Variants in MYBPC1 observed in about 807,000 individuals in gnomAD.
The protein encoded by MYBPC1 is myosin binding protein C1.
A neutral mutation model predicts 147.1 loss-of-function variants in MYBPC1; 52 were observed. The ratio of observed to expected loss-of-function variants is 0.35; its 90% CI spans 0.28 to 0.45. The LOEUF is 0.45. Among genes scored for constraint, MYBPC1 ranks in the 20% least tolerant of loss-of-function variants. The pLI is 1.00. For missense variants in MYBPC1, 1,228 were observed against 1,440.3 expected, an observed-to-expected ratio of 0.85 and a Z score of 2.39; for synonymous variants, 477 against 475.9, an observed-to-expected ratio of 1.00 and a Z score of -0.03.
At position 101,685,889 on chromosome 12, in the gene MYBPC1, G is replaced by A. The variant is rs1251186862; in HGVS notation, c.*327G>A. 1.1e-5 allele frequency: 5 copies of A among 463,748 alleles called. No homozygotes were observed. Among genetic ancestry groups the A allele is most frequent in the Non-Finnish European group, 1.1e-5 (3 of 261,892 alleles). The allele number at this position is 463,748 out of a possible 1,614,324, so 28.7% of individuals were successfully genotyped here. ...AATCTCATTTGAAGTCAGCACTTTG[G>A]TCATTATTATCTCTGCTCACTGTAT... is the stretch of plus-strand genomic sequence containing the variant. On this transcript the variant is annotated 3_prime_UTR_variant, in exon 32 of 32. Transcript: ENST00000361466.
chr12:101,669,716 C>T (rs1465889736), intron 23 of MYBPC1, among the ~76,000 whole-genome samples: 1 of 152,108 alleles, frequency 6.6e-6, no homozygotes, highest in Non-Finnish European at 1.5e-5. Context: ...GCAGGTGGAT[C>T]ACCTGAGGTC....
At chr12:101,609,299 A>AT (rs796184012) in intron 1 of MYBPC1, among the ~76,000 whole-genome samples, 4 of 151,654 alleles carry the variant, frequency 2.6e-5, no homozygotes, top group South Asian at 2.1e-4. Flanking sequence ...TTAAAAAAAA[A>AT]TTTTTTTCTG....
At chr12:101,695,101 C>A in the MYBPC1 span, among the ~76,000 whole-genome samples, 3 of 152,168 alleles carry the variant, frequency 2.0e-5, no homozygotes, top group African/African-American at 7.2e-5. Flanking sequence ...GTGGTTGTAA[C>A]CATCTACTCT....
At position 101,595,853 on chromosome 12, in the gene MYBPC1, T is replaced by C. The variant is rs570793379; in HGVS notation, c.25+758T>C. On this transcript the variant is annotated intron_variant, in intron 1 of 31. Coordinates refer to ENST00000361466, the MANE Select transcript of MYBPC1 (RefSeq NM_002465.4). ...AAGTTTCTCCTTTCTATAAAAAAAT[T>C]AGTGTATTAAAGCTACCAATTGGTA... Among the ~76,000 whole-genome samples, 15 of 152,258 alleles carry C rather than the reference T, an allele frequency of 9.9e-5. No homozygotes were observed. In the South Asian group the frequency reaches 3.1e-3, roughly 32 times the overall value.
chr12:101,651,144 G>A, intron 15 of MYBPC1, 87 bp from the exon 16 acceptor site: 1 of 1,370,060 alleles, frequency 7.3e-7, no homozygotes, highest in South Asian at 1.2e-5. Context: ...CATTGTAGTA[G>A]AGCTCACTAT....
At chr12:101,606,956 C>T (rs1882442289) in intron 1 of MYBPC1, among the ~76,000 whole-genome samples, 1 of 152,078 alleles carries the variant, frequency 6.6e-6, no homozygotes, top group Admixed American at 6.6e-5. Flanking sequence ...TCCAAAGTAG[C>T]TGGGACCACA....
intron 9 of MYBPC1, among the ~76,000 whole-genome samples, chr12:101,636,279 T>C (rs903612605): frequency 6.6e-6 from 1 of 151,956 alleles, no homozygotes. Context: ...CTGTCTTACA[T>C]GAATAACAGA....
chr12:101,683,563 G>A lies in MYBPC1; in HGVS notation c.3493-819G>A, dbSNP rs760194796. 4.6e-5 allele frequency among the ~76,000 whole-genome samples: 7 copies of A among 152,172 alleles called. No homozygotes were observed. In the South Asian group the frequency reaches 6.2e-4, roughly 14 times the overall value. On this transcript the variant is annotated intron_variant, in intron 30 of 31. Transcript: ENST00000361466. ...TTCATGGGGACTCAAATTATTTCAC[G>A]TTTATGAACTTAAAAGGAAAGAAAA...
At chr12:101,647,121 C>A in intron 13 of MYBPC1, 1 of 528,038 alleles carries the variant, frequency 1.9e-6, no homozygotes, top group South Asian at 2.1e-5. Flanking sequence ...AATAATTATT[C>A]TAGTTATAGC....
intron 14 of MYBPC1, among the ~76,000 whole-genome samples, chr12:101,648,414 C>A (rs1431920127): frequency 6.6e-6 from 1 of 152,138 alleles, no homozygotes; most frequent in Non-Finnish European, 1.5e-5. Flanking sequence ...CAAGTTTACC[C>A]AAGTCTATTT....
intron 1 of MYBPC1, among the ~76,000 whole-genome samples, chr12:101,595,700 A>G (rs1876962223): frequency 6.6e-6 from 1 of 152,172 alleles, no homozygotes; most frequent in African/African-American, 2.4e-5. Context: ...ATGTCCCTGA[A>G]TATCATGAAT....
At chr12:101,631,802 T>C (rs1373645837) in intron 7 of MYBPC1, 83 bp downstream of exon 7, 1 of 1,589,534 alleles carries the variant, frequency 6.3e-7, no homozygotes, top group Non-Finnish European at 8.6e-7. Context: ...GGTTCAGCTT[T>C]GAGAGACTTC....
At chr12:101,686,267 T>C (rs1951344934), downstream of MYBPC1, among the ~76,000 whole-genome samples, 1 of 152,242 alleles carries the variant, frequency 6.6e-6, no homozygotes, top group African/African-American at 2.4e-5. Flanking sequence ...CATTCATGCA[T>C]TTAGGGTTGT....
intron 30 of MYBPC1, among the ~76,000 whole-genome samples, chr12:101,683,345 A>T (rs1390018625): frequency 6.6e-6 from 1 of 152,146 alleles, no homozygotes; most frequent in East Asian, 1.9e-4. Context: ...CAGGAGGATC[A>T]CTTGAATCTG....
rs113003692 is a variant in MYBPC1, at chr12:101,595,096, G to A, written c.25+1G>A. 6.2e-7 allele frequency: 1 copy of A among 1,611,750 alleles called. No homozygotes were observed. The highest frequency in any genetic ancestry group is 8.5e-7 in the Non-Finnish European group (1 of 1,177,988). Reference sequence around the variant, plus strand: ...ATGCCAGAACCCACTAAGAAAGAGGGTAAGACTTATCTAGAAATCTTTTTG... The same window carrying A: ...ATGCCAGAACCCACTAAGAAAGAGGATAAGACTTATCTAGAAATCTTTTTG... On this transcript the variant is annotated splice_donor_variant, in intron 1 of 31. Coordinates refer to ENST00000361466, the MANE Select transcript of MYBPC1 (RefSeq NM_002465.4). LOFTEE classifies it high-confidence loss of function.
intron 20 of MYBPC1, among the ~76,000 whole-genome samples, chr12:101,661,608 G>A (rs976410972): frequency 6.6e-6 from 1 of 152,028 alleles, no homozygotes; most frequent in Non-Finnish European, 1.5e-5. Context: ...AAATAATTAG[G>A]CTGAGCATTG....
chr12:101,677,149 T>A (rs1900183123), intron 26 of MYBPC1, 86 bp from the exon 27 acceptor site: 9 of 1,345,318 alleles, frequency 6.7e-6, no homozygotes, highest in Admixed American at 5.5e-5. Flanking sequence ...TAATAAAGCA[T>A]CCTTGTTATT....
At chr12:101,681,526 G>T (rs10860770) in intron 29 of MYBPC1, among the ~76,000 whole-genome samples, 36,133 of 116,134 alleles carry the variant, frequency 0.31, 5,781 homozygotes, top group Middle Eastern at 0.44. Flanking sequence ...ATAAATATGA[G>T]AGGGAAACTT....
chr12:101,681,555 CATATATAT>C (rs1206495774), intron 29 of MYBPC1, among the ~76,000 whole-genome samples: 2,221 of 23,166 alleles, frequency 0.096, 107 homozygotes, highest in Non-Finnish European at 0.1. Flanking sequence ...AAATAACTTT[CATATATAT>C]ATATATATAT....
Sources: allele counts gnomAD v4.1 joint callset (sites outside exome capture counted in the v4.1 genomes callset), GRCh38; gene constraint gnomAD v4.1.1; transcripts MANE v1.5; gene names NCBI Gene and HGNC (gene_info 2026-07-23, HGNC 2026-07-21).